Variants in SNX30 observed in about 807,000 individuals in gnomAD.
SNX30 encodes the protein sorting nexin-30.
SNX30 carries 24 observed loss-of-function variants against 46.4 expected under a neutral mutation model. The observed-to-expected ratio is 0.52, with a 90% confidence interval of 0.37 to 0.73. The LOEUF (loss-of-function observed/expected upper bound fraction) is 0.73, where lower values mean the gene tolerates loss of function less well. Among genes scored for constraint, SNX30 ranks in the 30% least tolerant of loss-of-function variants. The pLI is 0.00. For synonymous variants in SNX30, 189 were observed against 211.5 expected (o/e 0.89, Z 0.92); for missense variants, 533 against 555.7 (o/e 0.96, Z 0.41).
In SNX30 at chr9:112,864,230, G is replaced by C; in HGVS notation, c.1102-17G>C. On this transcript the variant is annotated splice_polypyrimidine_tract_variant and intron_variant, in intron 7 of 8. Coordinates refer to ENST00000374232, the MANE Select transcript of SNX30 (RefSeq NM_001012994.2). ...AGTTTTGTGTGCAGGGCACCCATGT[G>C]TGCCTCCCTTTTCCAGGTACCGGCG... 6.2e-7 allele frequency: 1 copy of C among 1,613,244 alleles called. No individual in the cohort carries two copies. The highest frequency in any genetic ancestry group is 1.1e-5 in the South Asian group (1 of 91,010).
At chr9:112,846,493 G>T (rs1014096814) in intron 6 of SNX30, among the ~76,000 whole-genome samples, 2 of 152,192 alleles carry the variant, frequency 1.3e-5, no homozygotes, top group East Asian at 3.8e-4. Flanking sequence ...CATTTAACCA[G>T]AGCTAGTGAT....
rs555193092 is a variant in SNX30 at position 112,812,285 on chromosome 9, A to G, written c.349-5420A>G. 4.6e-5 allele frequency among the ~76,000 whole-genome samples: 7 copies of G among 152,296 alleles called. No homozygotes were observed. In the South Asian group the frequency reaches 1.4e-3, roughly 32 times the overall value. On this transcript the variant is annotated intron_variant, in intron 2 of 8. Coordinates refer to ENST00000374232, the MANE Select transcript of SNX30 (RefSeq NM_001012994.2). ...TTTATTTATTTTTTGAGACGGAGTC[A>G]TCCTGTGTCACCCAGGCTGGAGTGT... is the stretch of plus-strand genomic sequence containing the variant.
At chr9:112,785,545 G>A (rs763866022) in intron 1 of SNX30, among the ~76,000 whole-genome samples, 29 of 151,996 alleles carry the variant, frequency 1.9e-4, no homozygotes, top group Non-Finnish European at 3.2e-4. Context: ...CACCATGCCC[G>A]GCTAATTTTT....
chr9:112,841,923 T>C (rs1037920935), intron 6 of SNX30, among the ~76,000 whole-genome samples: 9 of 152,212 alleles, frequency 5.9e-5, no homozygotes, highest in African/African-American at 1.9e-4. Context: ...AGCAGAGGAC[T>C]TGCCACAGGC....
intron 1 of SNX30, among the ~76,000 whole-genome samples, chr9:112,796,017 T>C (rs1840103492): frequency 6.6e-6 from 1 of 152,070 alleles, no homozygotes; most frequent in African/African-American, 2.4e-5. Context: ...TGGAGATTAT[T>C]ATGTACAGCA....
chr9:112,813,491 G>T (rs1288711922), intron 2 of SNX30, among the ~76,000 whole-genome samples: 2 of 132,140 alleles, frequency 1.5e-5, no homozygotes, highest in Non-Finnish European at 3.2e-5. Flanking sequence ...TTTTTTGCGA[G>T]ACAGTCTCAC....
chr9:112,856,553 C>T (rs1263497791), intron 7 of SNX30, among the ~76,000 whole-genome samples: 1 of 151,698 alleles, frequency 6.6e-6, no homozygotes, highest in African/African-American at 2.4e-5. Flanking sequence ...AGAGCTGTTC[C>T]CCCTCTGGTT....
At chr9:112,796,104 G>A (rs1840104186) in intron 1 of SNX30, among the ~76,000 whole-genome samples, 1 of 152,202 alleles carries the variant, frequency 6.6e-6, no homozygotes, top group African/African-American at 2.4e-5. Context: ...GGATGTGGAA[G>A]GAGGTGGTAA....
intron 1 of SNX30, among the ~76,000 whole-genome samples, chr9:112,757,127 G>A (rs759906030): frequency 7.9e-5 from 12 of 152,056 alleles, no homozygotes; most frequent in Non-Finnish European, 1.6e-4. Context: ...TTTTGTATCC[G>A]TTTACCTACA....
rs1564280672 is a variant in SNX30, at chr9:112,821,433, T to TG, written c.459+3618_459+3619insG. On this transcript the variant is annotated intron_variant, in intron 3 of 8. Transcript: ENST00000374232. ...TATGTGTGTATATATATATGTGTGTTTGTATATATGTGTATATATGTGTGT... is the reference window on the plus strand; with the variant it reads ...TATGTGTGTATATATATATGTGTGTTGTGTATATATGTGTATATATGTGTGT... Among the ~76,000 whole-genome samples the TG allele has an allele frequency of 3.9e-5, 6 of 151,990 alleles. No individual in the cohort carries two copies. In the East Asian group the frequency reaches 5.8e-4, roughly 15 times the overall value.
intron 6 of SNX30, among the ~76,000 whole-genome samples, chr9:112,850,375 G>A (rs1246508078): frequency 6.6e-6 from 1 of 152,190 alleles, no homozygotes; most frequent in Non-Finnish European, 1.5e-5. Flanking sequence ...CTAGTAAGTG[G>A]CTAATGAATG....
At chr9:112,754,594 TG>T (rs1839321846) in intron 1 of SNX30, among the ~76,000 whole-genome samples, 1 of 151,916 alleles carries the variant, frequency 6.6e-6, no homozygotes, top group African/African-American at 2.4e-5. Flanking sequence ...TTAGTAGTGA[TG>T]GGGTTTTACC....
At chr9:112,854,475 G>A (rs944750890) in intron 7 of SNX30, among the ~76,000 whole-genome samples, 3 of 152,232 alleles carry the variant, frequency 2.0e-5, no homozygotes. Context: ...TGACTAGTCC[G>A]TCCTGAACAC....
At chr9:112,792,678 G>A (rs79584466) in intron 1 of SNX30, among the ~76,000 whole-genome samples, 2,586 of 152,184 alleles carry the variant, frequency 0.017, 57 homozygotes, top group East Asian at 0.12. Flanking sequence ...CACCTGCCTC[G>A]GTCTCCCAAA....
At chr9:112,769,215 A>T in intron 1 of SNX30, among the ~76,000 whole-genome samples, 1 of 152,330 alleles carries the variant, frequency 6.6e-6, no homozygotes, top group Non-Finnish European at 1.5e-5. Context: ...CTAGCATGTG[A>T]AGGGAGAAGG....
chr9:112,858,549 T>G (rs149743716), intron 7 of SNX30, among the ~76,000 whole-genome samples: 1 of 152,104 alleles, frequency 6.6e-6, no homozygotes, highest in African/African-American at 2.4e-5. Context: ...AAAGAATGCT[T>G]AGTGTTACTG....
rs1052581838 is a variant in SNX30, at chr9:112,805,260, A to G, written c.348+293A>G. On this transcript the variant is annotated intron_variant, in intron 2 of 8. Transcript: ENST00000374232. ...CCATGATACTATTTAACATGTTAAT[A>G]TCATATTGCTTCTGAAATTTATGAA... is the stretch of plus-strand genomic sequence containing the variant. Among the ~76,000 whole-genome samples, 4 of 152,194 alleles carry G rather than the reference A, an allele frequency of 2.6e-5. No individual in the cohort carries two copies. The East Asian group carries it at 7.7e-4, about 29-fold the overall frequency.
intron 3 of SNX30, among the ~76,000 whole-genome samples, chr9:112,822,800 C>T (rs376440730): frequency 3.1e-4 from 47 of 152,274 alleles, no homozygotes; most frequent in African/African-American, 1.0e-3. Context: ...CATGCAGTCC[C>T]GCCTAGGACA....
intron 2 of SNX30, 140 bp from the exon 3 acceptor site, chr9:112,817,565 C>T (rs1388485995): frequency 1.6e-6 from 1 of 616,034 alleles, no homozygotes; most frequent in Non-Finnish European, 2.9e-6. Context: ...TGTTGGTAAA[C>T]TCTGCCATTT....
Sources: allele counts gnomAD v4.1 joint callset (sites outside exome capture counted in the v4.1 genomes callset), GRCh38; gene constraint gnomAD v4.1.1; transcripts MANE v1.5; gene names NCBI Gene and HGNC (gene_info 2026-07-23, HGNC 2026-07-21).